LRBA: variants seen among roughly 807,000 people sequenced by gnomAD.
The protein encoded by LRBA is lipopolysaccharide-responsive and beige-like anchor protein.
LRBA carries 176 observed loss-of-function variants against 330.0 expected under a neutral mutation model. That is an observed-to-expected ratio of 0.53 (90% CI 0.47 to 0.60). The LOEUF (loss-of-function observed/expected upper bound fraction) is 0.60. LRBA is among the 20% of genes least tolerant of loss of function. The pLI, the probability that LRBA is intolerant of heterozygous loss-of-function variation, is 0.00. For missense variants in LRBA, 3,259 were observed against 3,444.8 expected, an observed-to-expected ratio of 0.95 and a Z score of 1.35; for synonymous variants, 1,230 against 1,193.0, an observed-to-expected ratio of 1.03 and a Z score of -0.64.
intron 35 of LRBA, among the ~76,000 whole-genome samples, chr4:150,740,133 T>C (rs1731757269): frequency 6.6e-6 from 1 of 152,012 alleles, no homozygotes; most frequent in Non-Finnish European, 1.5e-5. Context: ...TAATGGAAAT[T>C]AGGAAACGTT....
At chr4:150,763,002 G>T (rs1322170579) in intron 34 of LRBA, among the ~76,000 whole-genome samples, 2 of 150,210 alleles carry the variant, frequency 1.3e-5, no homozygotes, top group African/African-American at 2.5e-5. Context: ...ACCTTCTTTT[G>T]TGTTTTTGAA....
chr4:150,844,972 G>A (rs533098612), intron 26 of LRBA, among the ~76,000 whole-genome samples, 193 bp from the exon 27 acceptor site: 56 of 152,282 alleles, frequency 3.7e-4, no homozygotes, highest in Middle Eastern at 6.8e-3. Flanking sequence ...CTTCCATGCT[G>A]TGGCCCAGTT....
At chr4:150,982,143 C>T (rs913651551) in intron 2 of LRBA, among the ~76,000 whole-genome samples, 4 of 151,896 alleles carry the variant, frequency 2.6e-5, no homozygotes, top group African/African-American at 9.7e-5. Flanking sequence ...AAATAGAAGA[C>T]CCACCATACA....
chr4:150,796,291 G>A (rs1310878065), intron 34 of LRBA, among the ~76,000 whole-genome samples: 3 of 151,806 alleles, frequency 2.0e-5, no homozygotes, highest in African/African-American at 7.3e-5. Flanking sequence ...TTGCCAAGTT[G>A]ACCTCTTTGA....
chr4:150,864,725 C>T (rs1489695238), intron 22 of LRBA, among the ~76,000 whole-genome samples: 3 of 147,064 alleles, frequency 2.0e-5, no homozygotes, highest in Admixed American at 6.9e-5. Flanking sequence ...TGGCTCAATG[C>T]AACCTCTGCC....
At chr4:150,271,198 A>C (rs1746041479) in intron 56 of LRBA, among the ~76,000 whole-genome samples, 1 of 152,180 alleles carries the variant, frequency 6.6e-6, no homozygotes, top group African/African-American at 2.4e-5. Context: ...CTTTTCCCAC[A>C]GTCTTCACAA....
intron 37 of LRBA, among the ~76,000 whole-genome samples, chr4:150,615,361 G>C (rs1404273543): frequency 1.3e-5 from 2 of 152,134 alleles, no homozygotes; most frequent in Admixed American, 1.3e-4. Flanking sequence ...TCCAGCTCCT[G>C]CAAGAGCCTG....
At chr4:150,983,180 A>G (rs1741049641) in intron 2 of LRBA, among the ~76,000 whole-genome samples, 1 of 152,178 alleles carries the variant, frequency 6.6e-6, no homozygotes, top group Admixed American at 6.5e-5. Flanking sequence ...GTTTTTAGCC[A>G]GGTGCAGTGG....
intron 38 of LRBA, among the ~76,000 whole-genome samples, chr4:150,596,193 T>C (rs945821225): frequency 1.3e-5 from 2 of 151,766 alleles, no homozygotes; most frequent in African/African-American, 4.8e-5. Flanking sequence ...GGCAATTAAA[T>C]TGTCAGAATT....
chr4:150,537,257 T>C (rs1764759784), intron 40 of LRBA, among the ~76,000 whole-genome samples: 1 of 152,150 alleles, frequency 6.6e-6, no homozygotes, highest in African/African-American at 2.4e-5. Context: ...ATAGTGCCGG[T>C]ATAACTGGGT....
At chr4:150,352,865 CTTGA>C (rs1250162786) in intron 47 of LRBA, among the ~76,000 whole-genome samples, 1 of 152,168 alleles carries the variant, frequency 6.6e-6, no homozygotes, top group African/African-American at 2.4e-5. Context: ...GAGCAAGCTG[CTTGA>C]TTGTCACTGC....
At chr4:150,289,249 A>G (rs1184836432) in intron 53 of LRBA, among the ~76,000 whole-genome samples, 1 of 152,158 alleles carries the variant, frequency 6.6e-6, no homozygotes, top group East Asian at 1.9e-4. Context: ...AATAATCCAA[A>G]CTTTATTAAA....
At chr4:150,610,467 T>C (rs1417963566) in intron 37 of LRBA, among the ~76,000 whole-genome samples, 3 of 152,164 alleles carry the variant, frequency 2.0e-5, no homozygotes, top group Non-Finnish European at 2.9e-5. Flanking sequence ...TGTGTGCCTG[T>C]AATCCCAGCT....
chr4:150,990,563 A>G (rs1329214838), intron 2 of LRBA, among the ~76,000 whole-genome samples: 1 of 152,078 alleles, frequency 6.6e-6, no homozygotes, highest in Non-Finnish European at 1.5e-5. Flanking sequence ...CCCCGTCTCT[A>G]CAAAAAAAAA....
rs1164514830 is a variant in LRBA at position 150,798,109 on chromosome 4, A to G, written c.5552T>C (p.Val1851Ala). 1 of 1,609,848 alleles carries G rather than the reference A, an allele frequency of 6.2e-7. No homozygotes were observed. Among genetic ancestry groups the G allele is most frequent in the East Asian group, 2.2e-5 (1 of 44,788 alleles). The change falls in exon 34 of 57, where the codon GTG becomes GCG. Residue 1851 changes from valine to alanine, a missense_variant. Coordinates refer to ENST00000651943, the MANE Select transcript of LRBA (RefSeq NM_001364905.1). ...AGAACACAGTAGCATAACCAATTCC[A>G]CAACTGAACTACTCGACTTCATGCA... The part of the protein sequence containing the change: ...LVCMKSSSSV[V>A]ELVMLLCSQE...
chr4:150,869,257 C>T (rs1301113130), intron 20 of LRBA, among the ~76,000 whole-genome samples: 4 of 151,950 alleles, frequency 2.6e-5, no homozygotes, highest in African/African-American at 7.2e-5. Context: ...GATTTTCTTT[C>T]ATAATCTTAA....
chr4:150,957,426 A>G (rs559493691), intron 2 of LRBA, among the ~76,000 whole-genome samples: 1 of 148,608 alleles, frequency 6.7e-6, no homozygotes, highest in Non-Finnish European at 1.5e-5. Context: ...ACCTGCCCCC[A>G]TGATTCAATT....
At position 150,915,601 on chromosome 4, in the gene LRBA, T is replaced by G. The variant is rs375965457; in HGVS notation, c.1014+7A>C. The G allele has an allele frequency of 1.4e-4, 225 of 1,596,870 alleles. 1 individual carries two copies. Among genetic ancestry groups the G allele is most frequent in the African/African-American group, 3.5e-4 (26 of 74,098 alleles). On this transcript the variant is annotated splice_region_variant and intron_variant, in intron 8 of 56. Transcript: ENST00000651943. ...TTTTTTCATTGCAACATTTTGAAAC[T>G]ACTTACATCGCTAGTGTTGACAAAC...
chr4:150,511,138 G>T (rs919713152), intron 40 of LRBA, among the ~76,000 whole-genome samples: 7 of 152,094 alleles, frequency 4.6e-5, no homozygotes, highest in Non-Finnish European at 8.8e-5. Flanking sequence ...GATTACAGGC[G>T]TGAGCCTCCA....
Sources: gnomAD v4.1 joint callset for allele counts (sites outside exome capture counted in the v4.1 genomes callset) on GRCh38, gnomAD v4.1.1 for gene constraint, MANE v1.5 for transcripts, NCBI Gene and HGNC (gene_info 2026-07-23, HGNC 2026-07-21) for gene names.